Variants in PPFIA2 observed in about 807,000 individuals in gnomAD.
The protein encoded by PPFIA2 is liprin-alpha-2.
Under a neutral mutation model 175.5 loss-of-function variants are expected in PPFIA2, and 46 were observed. The observed-to-expected ratio is 0.26, with a 90% CI of 0.21 to 0.34. The LOEUF is 0.34. PPFIA2 is among the 10% of genes least tolerant of loss of function. PPFIA2 has a pLI of 1.00. For synonymous variants in PPFIA2, 568 were observed against 511.4 expected (o/e 1.11, Z -1.49); for missense variants, 1,179 against 1,506.1 (o/e 0.78, Z 3.60).
intron 4 of PPFIA2, among the ~76,000 whole-genome samples, chr12:81,665,780 A>G (rs1041028056): frequency 6.6e-6 from 1 of 152,082 alleles, no homozygotes; most frequent in Non-Finnish European, 1.5e-5. Flanking sequence ...TAATTAAACT[A>G]AAGAGCTTCT....
intron 13 of PPFIA2, among the ~76,000 whole-genome samples, chr12:81,367,405 T>C (rs979892405): frequency 2.0e-5 from 3 of 151,578 alleles, no homozygotes; most frequent in Admixed American, 6.6e-5. Flanking sequence ...AATGAACAAA[T>C]GAAATAAATA....
At chr12:81,423,095 C>A (rs137911893) in intron 7 of PPFIA2, among the ~76,000 whole-genome samples, 3 of 152,104 alleles carry the variant, frequency 2.0e-5, no homozygotes, top group African/African-American at 4.8e-5. Flanking sequence ...ATAATCCGAA[C>A]AGAAAAATAA....
intron 23 of PPFIA2, chr12:81,296,546 A>C (rs2046473604): frequency 6.6e-6 from 1 of 152,186 alleles, no homozygotes; most frequent in Admixed American, 6.5e-5. Flanking sequence ...GAAGTAGAAA[A>C]CACAACAAAA....
At chr12:81,733,746 G>A (rs550103237) in intron 3 of PPFIA2, among the ~76,000 whole-genome samples, 1 of 151,736 alleles carries the variant, frequency 6.6e-6, no homozygotes, top group African/African-American at 2.4e-5. Context: ...TTCTATCATT[G>A]TCATATTTCT....
chr12:81,660,565 G>A (rs753072445), intron 4 of PPFIA2, among the ~76,000 whole-genome samples: 23 of 152,258 alleles, frequency 1.5e-4, no homozygotes, highest in Middle Eastern at 3.4e-3. Flanking sequence ...CCAAATCTAC[G>A]TCCCATTGGT....
chr12:81,713,176 G>T (rs530139696), intron 3 of PPFIA2, among the ~76,000 whole-genome samples: 1 of 150,890 alleles, frequency 6.6e-6, no homozygotes, highest in African/African-American at 2.4e-5. Context: ...GCTTTTTTGG[G>T]GGGGTCTGAT....
At chr12:81,379,918 C>A (rs1332867140) in intron 9 of PPFIA2, among the ~76,000 whole-genome samples, 1 of 152,132 alleles carries the variant, frequency 6.6e-6, no homozygotes, top group Non-Finnish European at 1.5e-5. Flanking sequence ...ACATGCAAAG[C>A]AAATTATATT....
chr12:81,450,561 T>G (rs1282760223), intron 5 of PPFIA2, among the ~76,000 whole-genome samples: 1 of 152,216 alleles, frequency 6.6e-6, no homozygotes, highest in African/African-American at 2.4e-5. Flanking sequence ...ATGAGTAGGT[T>G]GCAAAAATTT....
intron 3 of PPFIA2, among the ~76,000 whole-genome samples, chr12:81,752,034 A>T (rs1175652334): frequency 6.6e-6 from 1 of 152,218 alleles, no homozygotes; most frequent in Admixed American, 6.5e-5. Context: ...AGACAAATGT[A>T]AGAGGGATTC....
Position 81,384,222 on chromosome 12 carries a change from T to C in PPFIA2, c.785A>G (p.Asp262Gly). The change falls in exon 9 of 33, where the codon GAC (aspartate) becomes GGC (glycine). Residue 262 changes from aspartate to glycine, a missense_variant. Asp to Gly is a moderately conservative substitution (Grantham distance 94, BLOSUM62 -1). Coordinates refer to ENST00000549396, the MANE Select transcript of PPFIA2 (RefSeq NM_003625.5). ...TATTTGACTAGTTTCATCGGTTGAG[T>C]CTATAGAACCATTGGACAAACGCTG... is the stretch of plus-strand genomic sequence containing the variant. ...HEKRLSNGSIDSTDETSQIVE... is the reference protein window; with the variant it reads ...HEKRLSNGSIGSTDETSQIVE... 2 of 1,593,912 alleles carry C rather than the reference T, an allele frequency of 1.3e-6. No homozygotes were observed. Among genetic ancestry groups the C allele is most frequent in the Non-Finnish European group, 1.7e-6 (2 of 1,167,976 alleles).
chr12:81,686,603 C>A (rs1003328262), intron 3 of PPFIA2, among the ~76,000 whole-genome samples: 1 of 152,064 alleles, frequency 6.6e-6, no homozygotes, highest in Non-Finnish European at 1.5e-5. Flanking sequence ...TCCTTGCTAT[C>A]TCAAACTCAC....
intron 3 of PPFIA2, among the ~76,000 whole-genome samples, chr12:81,679,098 ATAACT>A (rs913550612): frequency 1.1e-4 from 17 of 152,060 alleles, no homozygotes; most frequent in African/African-American, 3.4e-4. Flanking sequence ...AAGATAAAAC[ATAACT>A]TAAAATTGTC....
At chr12:81,541,352 C>A (rs2066181519) in intron 4 of PPFIA2, among the ~76,000 whole-genome samples, 1 of 151,888 alleles carries the variant, frequency 6.6e-6, no homozygotes, top group South Asian at 2.1e-4. Flanking sequence ...ATGGGCTCCT[C>A]CTCAACAGCT....
intron 2 of PPFIA2, among the ~76,000 whole-genome samples, chr12:81,756,653 G>C (rs1192589321): frequency 6.6e-6 from 1 of 151,816 alleles, no homozygotes; most frequent in Non-Finnish European, 1.5e-5. Flanking sequence ...CATGAAAGAG[G>C]GCCAATAATC....
At chr12:81,750,615 G>A (rs1378614532) in intron 3 of PPFIA2, among the ~76,000 whole-genome samples, 1 of 152,136 alleles carries the variant, frequency 6.6e-6, no homozygotes, top group Non-Finnish European at 1.5e-5. Context: ...GCCTGGAGGT[G>A]TGGAATGATG....
chr12:81,598,036 T>C lies in PPFIA2; in HGVS notation c.303+78755A>G, dbSNP rs1468793076. The C allele has an allele frequency of 8.5e-6, 13 of 1,534,772 alleles. No homozygotes were observed. The South Asian group carries it at 1.4e-4, about 17-fold the overall frequency. ...TGTTCATATCCGAGAAAATCATTTC[T>C]GATCACTGAGACAATATAATCCACA... On this transcript the variant is annotated intron_variant, in intron 4 of 32. Coordinates refer to ENST00000549396, the MANE Select transcript of PPFIA2 (RefSeq NM_003625.5).
At chr12:81,543,098 T>C (rs1388015866) in intron 4 of PPFIA2, among the ~76,000 whole-genome samples, 1 of 152,156 alleles carries the variant, frequency 6.6e-6, no homozygotes, top group Non-Finnish European at 1.5e-5. Context: ...GCTTTTACTG[T>C]TTAAATTTGC....
At chr12:81,414,255 C>A (rs1363785384) in intron 7 of PPFIA2, among the ~76,000 whole-genome samples, 1 of 151,654 alleles carries the variant, frequency 6.6e-6, no homozygotes, top group Non-Finnish European at 1.5e-5. Flanking sequence ...TTATCAAGGT[C>A]AGGACTACAA....
chr12:81,321,319 G>A (rs2053605956), intron 22 of PPFIA2, among the ~76,000 whole-genome samples: 2 of 152,026 alleles, frequency 1.3e-5, no homozygotes, highest in Admixed American at 1.3e-4. Context: ...ATGTGAAACT[G>A]ACAACTAAAT....
Sources: allele counts gnomAD v4.1 joint callset (sites outside exome capture counted in the v4.1 genomes callset), GRCh38; gene constraint gnomAD v4.1.1; transcripts MANE v1.5; gene names NCBI Gene and HGNC (gene_info 2026-07-23, HGNC 2026-07-21).